PKIB: variants seen among roughly 807,000 people sequenced by gnomAD.
The protein encoded by PKIB is PKI-beta.
PKIB carries 2 observed loss-of-function variants against 4.5 expected under a neutral mutation model. The ratio of observed to expected loss-of-function variants is 0.44; its 90% confidence interval spans 0.18 to 1.39. The LOEUF is 1.39. Ranked by LOEUF, PKIB falls within the 40% of genes most tolerant of loss-of-function variation. The pLI is 0.27. For synonymous variants in PKIB, 38 were observed against 36.0 expected, an observed-to-expected ratio of 1.06 and a Z score of -0.20; for missense variants, 94 against 92.6, an observed-to-expected ratio of 1.02 and a Z score of -0.06.
intron 2 of PKIB, among the ~76,000 whole-genome samples, chr6:122,507,741 G>GTT (rs147605922): frequency 6.7e-6 from 1 of 149,882 alleles, no homozygotes; most frequent in East Asian, 2.0e-4. Flanking sequence ...ACTGGAAGTT[G>GTT]TTTTTTTTCT....
At chr6:122,544,936 G>A (rs1440767531) in intron 2 of PKIB, among the ~76,000 whole-genome samples, 1 of 152,026 alleles carries the variant, frequency 6.6e-6, no homozygotes, top group Non-Finnish European at 1.5e-5. Context: ...AAACCACAAT[G>A]AGATACCATC....
intron 3 of PKIB, among the ~76,000 whole-genome samples, chr6:122,715,089 A>G (rs1451353303): frequency 6.6e-6 from 1 of 151,964 alleles, no homozygotes; most frequent in Non-Finnish European, 1.5e-5. Flanking sequence ...TGAGCCAAAA[A>G]AAAAAATATT....
rs1022340193 is a variant in PKIB, at chr6:122,610,536, G to C, written c.-161+1G>C. 2 of 152,532 alleles carry C rather than the reference G, an allele frequency of 1.3e-5. No individual in the cohort carries two copies. The highest frequency in any genetic ancestry group is 4.8e-5 in the African/African-American group (2 of 41,476). 9.4% of individuals were successfully genotyped at this position (152,532 alleles called of 1,614,324 possible). ...CAGGGCAGGCAGCTGCGCGCGGCTG[G>C]TACGTACCTGGTGGAGCGGGCGCGT... On this transcript the variant is annotated splice_donor_variant, in intron 1 of 4. Transcript: ENST00000368452. LOFTEE classifies it low-confidence loss of function (5UTR_SPLICE).
chr6:122,673,389 A>T (rs1338954698), intron 2 of PKIB, among the ~76,000 whole-genome samples: 2 of 152,172 alleles, frequency 1.3e-5, no homozygotes, highest in African/African-American at 2.4e-5. Flanking sequence ...TTAGGTGTGT[A>T]TATTTACATT....
chr6:122,538,494 C>T (rs1220364469), intron 2 of PKIB, among the ~76,000 whole-genome samples: 16 of 151,868 alleles, frequency 1.1e-4, no homozygotes, highest in South Asian at 2.1e-4. Flanking sequence ...GTTGTAGATA[C>T]GTGGCATTAT....
intron 2 of PKIB, chr6:122,482,459 A>G (rs1488628753): frequency 3.3e-5 from 5 of 151,822 alleles, no homozygotes; most frequent in African/African-American, 7.3e-5. Flanking sequence ...TTCTCCATAC[A>G]TTACATGTAG....
intron 2 of PKIB, among the ~76,000 whole-genome samples, chr6:122,658,423 T>G (rs554433128): frequency 6.6e-6 from 1 of 152,248 alleles, no homozygotes; most frequent in Non-Finnish European, 1.5e-5. Flanking sequence ...TTGGCTTAGT[T>G]TGCTGAGTGC....
chr6:122,495,908 C>T (rs1318148315), intron 2 of PKIB, among the ~76,000 whole-genome samples: 3 of 152,108 alleles, frequency 2.0e-5, no homozygotes, highest in Admixed American at 2.0e-4. Context: ...TGCAGCCTCT[C>T]CCCCACATGG....
At chr6:122,634,360 AAATAAATAAAT>A (rs949635108) in intron 2 of PKIB, among the ~76,000 whole-genome samples, 2 of 151,900 alleles carry the variant, frequency 1.3e-5, no homozygotes, top group African/African-American at 2.4e-5. Flanking sequence ...AGTATAATAA[AAATAAATAAAT>A]AATAAATAAA....
chr6:122,611,532 A>T (rs958113696), intron 1 of PKIB, among the ~76,000 whole-genome samples: 12 of 152,172 alleles, frequency 7.9e-5, no homozygotes, highest in Admixed American at 2.6e-4. Flanking sequence ...AAAAAATTTT[A>T]AAAAAACTCT....
At position 122,723,855 on chromosome 6, in the gene PKIB, A is replaced by C. The variant is rs189915462; in HGVS notation, c.170-1273A>C. Among the ~76,000 whole-genome samples the C allele has an allele frequency of 1.4e-3, 210 of 152,228 alleles. 1 individual carries two copies. Among genetic ancestry groups the C allele is most frequent in the Middle Eastern group, 3.4e-3 (1 of 294 alleles). ...TTTCCACTCCTGTTTTAATGTCTTCATTAGCCCTTTTTACTTCTTATTGAC... is the reference window on the plus strand; with the variant it reads ...TTTCCACTCCTGTTTTAATGTCTTCCTTAGCCCTTTTTACTTCTTATTGAC... On this transcript the variant is annotated intron_variant, in intron 4 of 4. Coordinates refer to ENST00000368452, the MANE Select transcript of PKIB (RefSeq NM_181795.3).
intron 2 of PKIB, among the ~76,000 whole-genome samples, chr6:122,582,011 T>C (rs147832084): frequency 0.011 from 1,736 of 152,226 alleles, 35 homozygotes; most frequent in African/African-American, 0.04. Context: ...TACAAATTTA[T>C]ACTGCAGAGA....
chr6:122,543,988 C>A (rs1772402823), intron 2 of PKIB, among the ~76,000 whole-genome samples: 1 of 151,840 alleles, frequency 6.6e-6, no homozygotes, highest in African/African-American at 2.4e-5. Context: ...ATCTCATTTT[C>A]TTTTTGTTTC....
Position 122,630,308 on chromosome 6 carries a change from A to C in PKIB, c.-160-2975A>C, listed in dbSNP as rs375889021. 3.3e-4 allele frequency among the ~76,000 whole-genome samples: 51 copies of C among 152,310 alleles called. No homozygotes were observed. In the East Asian group the frequency reaches 9.1e-3, roughly 27 times the overall value. On this transcript the variant is annotated intron_variant, in intron 1 of 4. Coordinates refer to ENST00000368452, the MANE Select transcript of PKIB (RefSeq NM_181795.3). ...TCCATTGATGGATGAATACATAAAC[A>C]AAATACAATATATACATCAGAGTAT...
intron 2 of PKIB, among the ~76,000 whole-genome samples, chr6:122,663,001 C>T (rs899993308): frequency 2.0e-5 from 3 of 152,104 alleles, no homozygotes; most frequent in South Asian, 2.1e-4. Context: ...ATTTCTTCTT[C>T]GTTTCCTTGC....
chr6:122,481,531 G>T (rs1214624770), intron 2 of PKIB: 1 of 152,122 alleles, frequency 6.6e-6, no homozygotes, highest in Non-Finnish European at 1.5e-5. Context: ...TATCAAAACT[G>T]ATTTTCTGTT....
intron 3 of PKIB, among the ~76,000 whole-genome samples, chr6:122,716,953 C>T (rs999976706): frequency 1.3e-5 from 2 of 152,170 alleles, no homozygotes; most frequent in African/African-American, 4.8e-5. Flanking sequence ...GCTAGCATTA[C>T]ATAGCTTTTC....
At chr6:122,622,264 A>T (rs569740482) in intron 1 of PKIB, among the ~76,000 whole-genome samples, 1 of 151,692 alleles carries the variant, frequency 6.6e-6, no homozygotes, top group East Asian at 2.0e-4. Flanking sequence ...AAAATTATGG[A>T]AACTTTCAAA....
chr6:122,722,130 A>C (rs1278919962), intron 4 of PKIB, among the ~76,000 whole-genome samples: 1 of 152,204 alleles, frequency 6.6e-6, no homozygotes, highest in East Asian at 1.9e-4. Flanking sequence ...CACATAATAT[A>C]TGAAAAATCA....
Sources: allele counts gnomAD v4.1 joint callset (sites outside exome capture counted in the v4.1 genomes callset), GRCh38; gene constraint gnomAD v4.1.1; transcripts MANE v1.5; gene names NCBI Gene and HGNC (gene_info 2026-07-23, HGNC 2026-07-21).